Variants in MICAL2 observed in about 807,000 individuals in gnomAD.
MICAL2 encodes microtubule associated monooxygenase, calponin and LIM domain containing 2.
In MICAL2, 77 loss-of-function variants were observed where a neutral mutation model predicts 127.3. The ratio of observed to expected loss-of-function variants is 0.60; its 90% CI spans 0.50 to 0.73. MICAL2 has a LOEUF of 0.73. MICAL2 is among the 30% of genes least tolerant of loss of function. The probability of loss-of-function intolerance (pLI) is 0.00; values close to 1 mark genes in which losing one functional copy is unlikely to be tolerated. For missense variants in MICAL2, 1,351 were observed against 1,434.4 expected (o/e 0.94, Z 0.94); for synonymous variants, 570 against 551.1 (o/e 1.03, Z -0.48).
chr11:12,164,124 C>A (rs1234103869), intron 3 of MICAL2, among the ~76,000 whole-genome samples: 1 of 151,896 alleles, frequency 6.6e-6, no homozygotes, highest in African/African-American at 2.4e-5. Flanking sequence ...TAGCCAGTTG[C>A]CTAGCTGGTG....
chr11:12,230,913 T>C (rs892388964), intron 15 of MICAL2, among the ~76,000 whole-genome samples: 3 of 152,176 alleles, frequency 2.0e-5, no homozygotes, highest in Admixed American at 6.5e-5. Flanking sequence ...AGAGGAGAGC[T>C]TGGGGAGTAT....
intron 29 of MICAL2, among the ~76,000 whole-genome samples, chr11:12,299,652 A>AT: frequency 6.6e-6 from 1 of 152,252 alleles, no homozygotes; most frequent in South Asian, 2.1e-4. Flanking sequence ...AGAACCTTTA[A>AT]TTTTTTGCAT....
At chr11:12,179,405 G>A (rs972089349) in intron 3 of MICAL2, among the ~76,000 whole-genome samples, 2 of 152,104 alleles carry the variant, frequency 1.3e-5, no homozygotes, top group Non-Finnish European at 2.9e-5. Flanking sequence ...CCAGCCCAGA[G>A]CCGCACCTAG....
chr11:12,301,011 C>CATT (rs1184214666), intron 29 of MICAL2, among the ~76,000 whole-genome samples: 7 of 152,194 alleles, frequency 4.6e-5, no homozygotes, highest in Non-Finnish European at 1.0e-4. Context: ...TTGGACTTAA[C>CATT]AGTTCCACAT....
chr11:12,115,574 C>A (rs1203460006), intron 1 of MICAL2, among the ~76,000 whole-genome samples: 1 of 152,142 alleles, frequency 6.6e-6, no homozygotes, highest in East Asian at 1.9e-4. Context: ...CTGCCTTGAC[C>A]TTCCAAAGTA....
At chr11:12,165,098 C>T (rs773796172) in intron 3 of MICAL2, among the ~76,000 whole-genome samples, 79 of 148,068 alleles carry the variant, frequency 5.3e-4, no homozygotes, top group Non-Finnish European at 9.9e-4. Context: ...GAGATCACAC[C>T]GCTGCACTCC....
chr11:12,305,246 C>T (rs1256018107), intron 29 of MICAL2, among the ~76,000 whole-genome samples: 2 of 152,122 alleles, frequency 1.3e-5, no homozygotes, highest in Admixed American at 6.5e-5. Context: ...GGGAGGCAGG[C>T]GCATCTTACA....
At chr11:12,213,182 C>G in intron 6 of MICAL2, 73 bp from the exon 7 acceptor site, 1 of 1,496,436 alleles carries the variant, frequency 6.7e-7, no homozygotes, top group Non-Finnish European at 9.0e-7. Flanking sequence ...GGGAACAGCT[C>G]TCCCAATAAT....
chr11:12,340,771 G>T (rs1170688036), intron 32 of MICAL2, among the ~76,000 whole-genome samples: 2 of 152,112 alleles, frequency 1.3e-5, no homozygotes, highest in Admixed American at 1.3e-4. Flanking sequence ...AGCAAGTTAT[G>T]GAAGAATACA....
At chr11:12,292,105 AC>A (rs1863910698), downstream of MICAL2, 1 of 1,587,462 alleles carries the variant, frequency 6.3e-7, no homozygotes, top group Non-Finnish European at 8.6e-7. Context: ...TAAAATAATA[AC>A]ACCTTTGTAA....
chr11:12,173,012 G>A (rs1321210006), intron 3 of MICAL2, among the ~76,000 whole-genome samples: 1 of 152,022 alleles, frequency 6.6e-6, no homozygotes, highest in Non-Finnish European at 1.5e-5. Flanking sequence ...AAGAGAAGTT[G>A]TAAATATAGT....
chr11:12,228,445 T>C (rs978116223), intron 15 of MICAL2, among the ~76,000 whole-genome samples: 2 of 152,216 alleles, frequency 1.3e-5, no homozygotes, highest in Non-Finnish European at 2.9e-5. Context: ...CACTAATTAA[T>C]CAACTCATTG....
chr11:12,256,658 G>A (rs1288679005), intron 23 of MICAL2, 127 bp from the exon 24 acceptor site: 3 of 842,480 alleles, frequency 3.6e-6, no homozygotes, highest in Admixed American at 2.9e-5. Context: ...TGCTGCAGTG[G>A]CAGTAGCAGG....
chr11:12,303,440 A>T (rs1393516586), intron 29 of MICAL2: 1 of 152,238 alleles, frequency 6.6e-6, no homozygotes, highest in Non-Finnish European at 1.5e-5. Context: ...GAAGCAGTGT[A>T]AAATGGTTTT....
chr11:12,142,639 G>T (rs1408519512), intron 2 of MICAL2, among the ~76,000 whole-genome samples: 1 of 152,202 alleles, frequency 6.6e-6, no homozygotes, highest in Non-Finnish European at 1.5e-5. Context: ...AACACTTCCT[G>T]CTGAGCTCAA....
intron 6 of MICAL2, among the ~76,000 whole-genome samples, chr11:12,211,634 T>A (rs1277924029): frequency 1.3e-5 from 2 of 152,044 alleles, no homozygotes; most frequent in Non-Finnish European, 2.9e-5. Context: ...GATGGGGGAC[T>A]AGGAGGGAGA....
intron 3 of MICAL2, among the ~76,000 whole-genome samples, chr11:12,177,008 G>A (rs887016489): frequency 6.6e-6 from 1 of 152,046 alleles, no homozygotes; most frequent in African/African-American, 2.4e-5. Context: ...ATTCTTTTGG[G>A]TATGTGGTAT....
At chr11:12,146,857 A>G (rs1171582525) in intron 2 of MICAL2, among the ~76,000 whole-genome samples, 1 of 152,242 alleles carries the variant, frequency 6.6e-6, no homozygotes, top group African/African-American at 2.4e-5. Flanking sequence ...GTGGCAATAT[A>G]CACCGTGGAA....
intron 12 of MICAL2, 103 bp from the exon 13 acceptor site, chr11:12,224,570 G>A (rs921753392): frequency 2.6e-5 from 38 of 1,489,480 alleles, no homozygotes; most frequent in Middle Eastern, 2.4e-4. Context: ...CCTTGGGGCC[G>A]CTCGTCCTGG....
Sources: allele counts gnomAD v4.1 joint callset (sites outside exome capture counted in the v4.1 genomes callset), GRCh38; gene constraint gnomAD v4.1.1; transcripts MANE v1.5; gene names NCBI Gene and HGNC (gene_info 2026-07-23, HGNC 2026-07-21).